Variants in ZFR2 observed in about 807,000 individuals in gnomAD.
ZFR2 encodes zinc finger RNA-binding protein 2.
Under a neutral mutation model 105.7 loss-of-function variants are expected in ZFR2, and 104 were observed. The ratio of observed to expected loss-of-function variants is 0.98; its 90% CI spans 0.84 to 1.16. The LOEUF is 1.16. Ranked by LOEUF, ZFR2 falls within the 50% of genes most tolerant of loss-of-function variation. ZFR2 has a pLI of 0.00. For synonymous variants in ZFR2, 634 were observed against 597.7 expected (o/e 1.06, Z -0.89); for missense variants, 1,425 against 1,355.5 (o/e 1.05, Z -0.80).
chr19:3,831,962 C>T, intron 3 of ZFR2, 84 bp from the exon 4 acceptor site: 1 of 1,189,246 alleles, frequency 8.4e-7, no homozygotes, highest in Non-Finnish European at 1.1e-6. Flanking sequence ...ACTCAACTGG[C>T]TGGAACACGC....
chr19:3,842,524 T>C (rs1350178096), intron 1 of ZFR2, among the ~76,000 whole-genome samples: 2 of 152,230 alleles, frequency 1.3e-5, no homozygotes, highest in Non-Finnish European at 2.9e-5. Flanking sequence ...TCATTTCCTA[T>C]AGAATTCAAC....
rs746834581 is a variant in ZFR2 at position 3,816,748 on chromosome 19, C to T, written c.2029G>A (p.Ala677Thr). 1.3e-5 allele frequency: 21 copies of T among 1,612,430 alleles called. No individual in the cohort carries two copies. Among genetic ancestry groups the T allele is most frequent in the East Asian group, 8.9e-5 (4 of 44,866 alleles). ...GTGGGCTTCTCGGAGCAGAGCAGAGCGAGGCGCACGTTCCTGTCCCCACGC... is the reference window on the plus strand; with the variant it reads ...GTGGGCTTCTCGGAGCAGAGCAGAGTGAGGCGCACGTTCCTGTCCCCACGC... ...LLRGDRNVRL[A>T]LLCSEKPTHS... Residue 677 changes from alanine to threonine, a missense_variant, in exon 13 of 19, where the codon GCT (alanine) becomes ACT (threonine). Transcript: ENST00000262961.
chr19:3,825,704 C>G (rs966143937), intron 6 of ZFR2, among the ~76,000 whole-genome samples: 1 of 152,176 alleles, frequency 6.6e-6, no homozygotes, highest in Non-Finnish European at 1.5e-5. Flanking sequence ...TCCTCCACCA[C>G]GTGGGCTGCC....
chr19:3,831,721 T>C lies in ZFR2; in HGVS notation c.537A>G (p.Ser179=), dbSNP rs2038018791. ...PTATGVQPES[S]ASIVTSYPPP... is the part of the protein sequence containing the mutation. Reference sequence around the variant, plus strand: ...GGGGGTAGGAGGTCACGATGGAAGCTGACGACTCGGGCTGGACGCCTGTCG... The same window carrying C: ...GGGGGTAGGAGGTCACGATGGAAGCCGACGACTCGGGCTGGACGCCTGTCG... The change falls in exon 4 of 19, where the codon TCA becomes TCG. Residue 179 remains serine, a synonymous_variant. Transcript: ENST00000262961. 4 of 1,598,902 alleles carry C rather than the reference T, an allele frequency of 2.5e-6. No individual in the cohort carries two copies. In the East Asian group the frequency reaches 9.0e-5, roughly 36 times the overall value.
intron 13 of ZFR2, among the ~76,000 whole-genome samples, chr19:3,814,875 G>A (rs755894622): frequency 6.6e-5 from 10 of 151,866 alleles, no homozygotes; most frequent in East Asian, 1.9e-4. Flanking sequence ...TCATTCCCTC[G>A]TGCCCACCCC....
chr19:3,809,635 C>T (rs1181390704), intron 16 of ZFR2, among the ~76,000 whole-genome samples: 2 of 152,192 alleles, frequency 1.3e-5, no homozygotes, highest in Admixed American at 6.5e-5. Flanking sequence ...GAGGAGAGGA[C>T]GTTTCCCCTA....
chr19:3,831,308 G>A lies in ZFR2; in HGVS notation c.847C>T (p.Pro283Ser), dbSNP rs867134232. 2.6e-6 allele frequency: 4 copies of A among 1,534,344 alleles called. No individual in the cohort carries two copies. The highest frequency in any genetic ancestry group is 2.6e-6 in the Non-Finnish European group (3 of 1,140,078). ...ATGGCAGGAGGGCGACTGACCTGGG[G>A]GCCAGCGCAGCTGATCTTGCAGATG... Reference protein sequence around the residue: ...CDICKISCAGPQTYREHLGGQ... With the variant: ...CDICKISCAGSQTYREHLGGQ... Residue 283 changes from proline (P) to serine (S), a missense_variant, in exon 5 of 19, where the codon CCC (proline) becomes TCC (serine). Coordinates refer to ENST00000262961, the MANE Select transcript of ZFR2 (RefSeq NM_015174.2).
chr19:3,830,199 G>C (rs995026929), intron 5 of ZFR2, among the ~76,000 whole-genome samples: 1 of 152,120 alleles, frequency 6.6e-6, no homozygotes, highest in African/African-American at 2.4e-5. Context: ...AGCTACTCAG[G>C]AGGCTGAGGT....
chr19:3,868,005 G>A (rs553959531), intron 1 of ZFR2, among the ~76,000 whole-genome samples: 36 of 151,204 alleles, frequency 2.4e-4, no homozygotes, highest in Non-Finnish European at 4.3e-4. Context: ...CTGCCCAGTC[G>A]GGAAACTTCC....
At chr19:3,839,493 C>G (rs115400014) in intron 1 of ZFR2, among the ~76,000 whole-genome samples, 1 of 126,212 alleles carries the variant, frequency 7.9e-6, no homozygotes. Flanking sequence ...GAGCCGAGAC[C>G]GCTCCATTCC....
chr19:3,838,765 G>A lies in ZFR2; in HGVS notation c.54-3782C>T, dbSNP rs537017053. 6.6e-6 allele frequency among the ~76,000 whole-genome samples: 1 copy of A among 152,138 alleles called. No individual in the cohort carries two copies. The highest frequency in any genetic ancestry group is 2.1e-4 in the South Asian group (1 of 4,824). ...GATGCTGATCAGCCTCTGTCCCCTG[G>A]TCCTGCTTTTTCTTCTTCCTGGCAC... is the stretch of plus-strand genomic sequence containing the variant. On this transcript the variant is annotated intron_variant, in intron 1 of 18. Transcript: ENST00000262961. The surrounding 1 kb of genome is among the most constrained non-coding windows in gnomAD (Gnocchi z 4.9).
Position 3,869,018 on chromosome 19 carries a change from C to T in ZFR2, c.-1G>A, listed in dbSNP as rs765660239. 1.5e-6 allele frequency: 2 copies of T among 1,366,518 alleles called. No homozygotes were observed. The highest frequency in any genetic ancestry group is 1.9e-6 in the Non-Finnish European group (2 of 1,049,320). The allele number at this position is 1,366,518 out of a possible 1,614,324, so 84.6% of individuals were successfully genotyped here. A position where few individuals can be genotyped will look rare whatever the true frequency, so the allele number is the denominator to read the frequency against. On this transcript the variant is annotated 5_prime_UTR_variant, in exon 1 of 19. Coordinates refer to ENST00000262961, the MANE Select transcript of ZFR2 (RefSeq NM_015174.2). ...AGTCGAAATACTGACTCGTCGCCAT[C>T]TTGGCGTCTTCCCCGAGCCTGGCGG...
At chr19:3,859,016 C>A (rs2145191834) in intron 1 of ZFR2, among the ~76,000 whole-genome samples, 1 of 152,144 alleles carries the variant, frequency 6.6e-6, no homozygotes, top group Middle Eastern at 3.4e-3. Flanking sequence ...AAATATTGTC[C>A]TGGGTGTGTC....
chr19:3,865,499 C>T (rs1053759261), intron 1 of ZFR2, among the ~76,000 whole-genome samples: 2 of 151,834 alleles, frequency 1.3e-5, no homozygotes, highest in African/African-American at 2.4e-5. Context: ...TATAGGTGCA[C>T]ACCACCACAT....
chr19:3,847,604 T>A (rs2038196409), intron 1 of ZFR2, among the ~76,000 whole-genome samples: 2 of 152,192 alleles, frequency 1.3e-5, no homozygotes, highest in African/African-American at 2.4e-5. Context: ...CCACATTCCA[T>A]TAATTAGAAG....
chr19:3,841,437 C>A (rs1340085944), intron 1 of ZFR2, among the ~76,000 whole-genome samples: 7 of 152,186 alleles, frequency 4.6e-5, no homozygotes, highest in Admixed American at 3.3e-4. Context: ...GTAATCCCAG[C>A]GCCTTGGGAG....
At chr19:3,811,402 G>C (rs1352517729) in intron 14 of ZFR2, 36 bp from the exon 15 acceptor site, 2 of 1,543,574 alleles carry the variant, frequency 1.3e-6, no homozygotes, top group African/African-American at 2.7e-5. Context: ...TGCGGGGAAG[G>C]TGCCTCGTCC....
At chr19:3,842,888 G>A (rs909822702) in intron 1 of ZFR2, among the ~76,000 whole-genome samples, 1 of 152,110 alleles carries the variant, frequency 6.6e-6, no homozygotes, top group Admixed American at 6.5e-5. Flanking sequence ...GCCTCCCAAA[G>A]TGCTGGGATT....
In ZFR2 at chr19:3,811,363, A is replaced by G. The variant is rs1307602591; in HGVS notation, c.2246T>C (p.Val749Ala). 5 of 1,589,360 alleles carry G rather than the reference A, an allele frequency of 3.1e-6. No homozygotes were observed. In the African/African-American group the frequency reaches 6.7e-5, roughly 21 times the overall value. The change falls in exon 15 of 19, where the codon GTG becomes GCG. Residue 749 changes from valine (V) to alanine (A), a missense_variant. Coordinates refer to ENST00000262961, the MANE Select transcript of ZFR2 (RefSeq NM_015174.2). ...MREDPSTDPG[V>A]EEPQADAGDV... ...ACCTGCATCAGCCTGAGGCTCCTCC[A>G]CACCTTCTAGAAGAAAAACCTCGAG...
Sources: gnomAD v4.1 joint callset for allele counts (sites outside exome capture counted in the v4.1 genomes callset) on GRCh38, gnomAD v4.1.1 for gene constraint, Gnocchi (gnomAD v3.1) non-coding constraint, MANE v1.5 for transcripts, NCBI Gene and HGNC (gene_info 2026-07-23, HGNC 2026-07-21) for gene names.